The following CCNY variants were observed in gnomAD, a reference collection of about 807,000 sequenced individuals.
CCNY encodes cyclin Y, also known as cyclin-Y.
In CCNY, 19 loss-of-function variants were observed where a neutral mutation model predicts 42.8. That is an observed-to-expected ratio of 0.44 (90% CI 0.31 to 0.65). CCNY has a LOEUF of 0.65. CCNY is among the 30% of genes least tolerant of loss of function. The pLI, the probability that CCNY is intolerant of heterozygous loss-of-function variation, is 0.07. For missense variants in CCNY, 370 were observed against 437.3 expected, an observed-to-expected ratio of 0.85 and a Z score of 1.37; for synonymous variants, 165 against 162.7, an observed-to-expected ratio of 1.01 and a Z score of -0.11.
At chr10:35,505,274 T>TA (rs35887849) in intron 3 of CCNY, among the ~76,000 whole-genome samples, 1,405 of 140,110 alleles carry the variant, frequency 0.01, 18 homozygotes, top group African/African-American at 0.032. Context: ...TCTAAGAAGT[T>TA]AAAAAAAAAA....
intron 1 of CCNY, among the ~76,000 whole-genome samples, chr10:35,465,938 A>AGAGAGAGAGAGGGAGTGTGT: frequency 1.2e-5 from 1 of 80,962 alleles, no homozygotes; most frequent in Non-Finnish European, 2.6e-5. Context: ...AGAGAGAGAG[A>AGAGAGAGAGAGGGAGTGTGT]GTGTGTGTGT....
chr10:35,516,256 T>C (rs1322761039), intron 3 of CCNY, among the ~76,000 whole-genome samples: 5 of 152,224 alleles, frequency 3.3e-5, no homozygotes, highest in Non-Finnish European at 7.3e-5. Context: ...AACATGCTTT[T>C]TGATGCTTGA....
chr10:35,376,821 A>C (rs563141512), intron 1 of CCNY, among the ~76,000 whole-genome samples: 1 of 152,316 alleles, frequency 6.6e-6, no homozygotes, highest in African/African-American at 2.4e-5. Context: ...TTACGATTTC[A>C]CGTATATGAA....
chr10:35,544,540 A>G (rs747295575), intron 7 of CCNY, among the ~76,000 whole-genome samples: 27 of 152,192 alleles, frequency 1.8e-4, no homozygotes, highest in Non-Finnish European at 3.8e-4. Flanking sequence ...GAATGTACCC[A>G]TTGTTAAATG....
intron 3 of CCNY, among the ~76,000 whole-genome samples, chr10:35,287,412 A>G (rs899599664): frequency 1.3e-5 from 2 of 152,230 alleles, no homozygotes; most frequent in African/African-American, 4.8e-5. Context: ...AAATAAACAC[A>G]TCTGCATAAT....
chr10:35,378,447 G>C (rs1170299348), intron 1 of CCNY, among the ~76,000 whole-genome samples: 1 of 152,082 alleles, frequency 6.6e-6, no homozygotes, highest in Non-Finnish European at 1.5e-5. Context: ...GGGAGAATTT[G>C]TGAGAATAGA....
At chr10:35,305,115 G>C (rs1473631934) in intron 3 of CCNY, among the ~76,000 whole-genome samples, 3 of 152,214 alleles carry the variant, frequency 2.0e-5, no homozygotes, top group East Asian at 3.8e-4. Context: ...ACCGGAGACA[G>C]ACTTGTCAGG....
intron 2 of CCNY, among the ~76,000 whole-genome samples, chr10:35,248,544 G>A (rs1286495568): frequency 6.6e-6 from 1 of 152,160 alleles, no homozygotes; most frequent in Admixed American, 6.6e-5. Context: ...TACTTGGGAC[G>A]CTGAGGCAGG....
intron 3 of CCNY, among the ~76,000 whole-genome samples, chr10:35,264,043 G>A (rs1484681795): frequency 6.6e-6 from 1 of 152,156 alleles, no homozygotes; most frequent in African/African-American, 2.4e-5. Context: ...GTATTCCATG[G>A]TGTCTATGTA....
intron 7 of CCNY, among the ~76,000 whole-genome samples, chr10:35,537,088 G>C (rs536978739): frequency 1.3e-5 from 2 of 152,282 alleles, no homozygotes; most frequent in East Asian, 3.9e-4. Context: ...TTGGTGCCCT[G>C]CATCCCAGCC....
intron 9 of CCNY, among the ~76,000 whole-genome samples, chr10:35,568,138 C>T (rs1164109920): frequency 6.6e-6 from 1 of 152,216 alleles, no homozygotes; most frequent in Non-Finnish European, 1.5e-5. Flanking sequence ...GTGTTCTCTG[C>T]TGAAGAATAT....
chr10:35,301,259 G>A (rs1835530213), intron 3 of CCNY, among the ~76,000 whole-genome samples: 1 of 152,170 alleles, frequency 6.6e-6, no homozygotes, highest in Non-Finnish European at 1.5e-5. Flanking sequence ...AATATTCCTT[G>A]TTTAACAAAT....
intron 1 of CCNY, among the ~76,000 whole-genome samples, chr10:35,401,072 C>T (rs1024774451): frequency 1.8e-4 from 27 of 152,240 alleles, no homozygotes; most frequent in African/African-American, 5.1e-4. Flanking sequence ...AGCAACTGGC[C>T]GGCCCCGGCC....
chr10:35,306,241 G>T (rs1399023123), intron 3 of CCNY, among the ~76,000 whole-genome samples: 1 of 152,050 alleles, frequency 6.6e-6, no homozygotes, highest in Admixed American at 6.5e-5. Flanking sequence ...CACCATGTTG[G>T]CCAGGTTGGT....
At chr10:35,283,051 TAC>T (rs1359486408) in intron 3 of CCNY, among the ~76,000 whole-genome samples, 1 of 152,172 alleles carries the variant, frequency 6.6e-6, no homozygotes, top group Non-Finnish European at 1.5e-5. Flanking sequence ...TCATTGAGGG[TAC>T]AGTTCTTGAG....
chr10:35,259,506 T>G (rs985165613), intron 3 of CCNY, among the ~76,000 whole-genome samples: 3 of 134,348 alleles, frequency 2.2e-5, no homozygotes, highest in East Asian at 2.1e-4. Context: ...TTTTTTTTTT[T>G]TTTTTTTTTT....
At chr10:35,508,954 A>G (rs938594559) in intron 3 of CCNY, among the ~76,000 whole-genome samples, 5 of 152,154 alleles carry the variant, frequency 3.3e-5, no homozygotes, top group African/African-American at 4.8e-5. Context: ...AGATTTGTCT[A>G]TTTTGGATAT....
intron 1 of CCNY, among the ~76,000 whole-genome samples, chr10:35,348,419 A>T (rs1393643846): frequency 2.0e-5 from 3 of 152,170 alleles, no homozygotes; most frequent in African/African-American, 7.2e-5. Flanking sequence ...TCTGAGGAAG[A>T]TTGTTGGTTC....
chr10:35,498,832 G>A (rs1349641093), intron 2 of CCNY, among the ~76,000 whole-genome samples: 1 of 152,220 alleles, frequency 6.6e-6, no homozygotes, highest in Non-Finnish European at 1.5e-5. Flanking sequence ...ACAGGAAAGT[G>A]GCACCTGATT....
Sources: allele counts gnomAD v4.1 joint callset (sites outside exome capture counted in the v4.1 genomes callset), GRCh38; gene constraint gnomAD v4.1.1; transcripts MANE v1.5; gene names NCBI Gene and HGNC (gene_info 2026-07-23, HGNC 2026-07-21).